TNKS2: variants seen among roughly 807,000 people sequenced by gnomAD.
TNKS2 encodes tankyrase 2.
A neutral mutation model predicts 137.6 loss-of-function variants in TNKS2; 72 were observed. The observed-to-expected ratio is 0.52, with a 90% CI of 0.43 to 0.64. TNKS2 has a LOEUF of 0.64. Ranked by LOEUF, TNKS2 falls within the 30% of genes least tolerant of loss-of-function variation. The pLI is 0.00. For missense variants in TNKS2, 1,049 were observed against 1,410.2 expected (o/e 0.74, Z 4.10); for synonymous variants, 516 against 512.1 (o/e 1.01, Z -0.10).
intron 19 of TNKS2, 43 bp downstream of exon 19, chr10:91,848,678 C>A (rs1480798712): frequency 1.3e-6 from 2 of 1,598,060 alleles, no homozygotes; most frequent in Non-Finnish European, 1.7e-6. Flanking sequence ...GGTATTGTAG[C>A]CCCGTATTTG....
Position 91,833,918 on chromosome 10 carries a change from A to G in TNKS2, c.1341A>G (p.Gln447=). ...LHRAAYCGHL[Q]TCRLLLSYGC... Reference sequence around the variant, plus strand: ...GAGCTGCATATTGTGGTCATCTACAAACCTGCCGCCTACTCCTGAGCTATG... The same window carrying G: ...GAGCTGCATATTGTGGTCATCTACAGACCTGCCGCCTACTCCTGAGCTATG... Residue 447 remains glutamine, a synonymous_variant, in exon 12 of 27, where the codon CAA becomes CAG. Coordinates refer to ENST00000371627, the MANE Select transcript of TNKS2 (RefSeq NM_025235.4). The G allele has an allele frequency of 1.2e-6, 2 of 1,613,946 alleles. No individual in the cohort carries two copies. The highest frequency in any genetic ancestry group is 1.1e-5 in the South Asian group (1 of 91,052).
chr10:91,849,661 C>A (rs755365641), intron 20 of TNKS2, 67 bp downstream of exon 20: 32 of 1,270,824 alleles, frequency 2.5e-5, no homozygotes, highest in Non-Finnish European at 3.3e-5. Context: ...TTGGAACATA[C>A]TTGAAATGAG....
chr10:91,839,761 C>T (rs1842151673), intron 13 of TNKS2, among the ~76,000 whole-genome samples: 1 of 152,150 alleles, frequency 6.6e-6, no homozygotes, highest in Non-Finnish European at 1.5e-5. Context: ...AGTTTGAGAA[C>T]CACTGCTCTA....
chr10:91,855,060 T>G lies in TNKS2; in HGVS notation c.2847T>G (p.Ser949=). The part of the protein sequence containing the change: ...GLNPYLTLNT[S]GSGTILIDLS... ...ACCCATATTTAACTTTGAACACCTC[T>G]GGTAGTGGAACAATTCTTATAGATC... The change falls in exon 22 of 27, where the codon TCT becomes TCG. Residue 949 remains serine, a synonymous_variant. Coordinates refer to ENST00000371627, the MANE Select transcript of TNKS2 (RefSeq NM_025235.4). 1.6e-5 allele frequency: 26 copies of G among 1,611,448 alleles called. No homozygotes were observed. The highest frequency in any genetic ancestry group is 2.2e-5 in the Non-Finnish European group (26 of 1,177,930).
At chr10:91,857,113 T>C (rs1842728854) in intron 23 of TNKS2, among the ~76,000 whole-genome samples, 2 of 152,202 alleles carry the variant, frequency 1.3e-5, no homozygotes, top group Non-Finnish European at 2.9e-5. Context: ...AAACTCGGCA[T>C]GTCTGATTTG....
At chr10:91,832,874 C>T (rs1841862897) in intron 11 of TNKS2, among the ~76,000 whole-genome samples, 1 of 152,054 alleles carries the variant, frequency 6.6e-6, no homozygotes, top group African/African-American at 2.4e-5. Context: ...TACCTGCCTA[C>T]CACTTAGATA....
At chr10:91,826,369 A>G (rs1056813772) in intron 7 of TNKS2, among the ~76,000 whole-genome samples, 3 of 152,230 alleles carry the variant, frequency 2.0e-5, no homozygotes, top group African/African-American at 7.2e-5. Context: ...CCAAATCTGC[A>G]TTAACAGGAT....
Position 91,859,444 on chromosome 10 carries a change from CA to C in TNKS2, c.3095-17del. On this transcript the variant is annotated splice_polypyrimidine_tract_variant and intron_variant, in intron 24 of 26. Coordinates refer to ENST00000371627, the MANE Select transcript of TNKS2 (RefSeq NM_025235.4). ...AGATAAATTTTAAATTATTGTTACCCATCTATATGTGTTTCAGGGTCTCCTT... is the reference window on the plus strand; with the variant it reads ...AGATAAATTTTAAATTATTGTTACCCTCTATATGTGTTTCAGGGTCTCCTT... The C allele has an allele frequency of 6.9e-7, 1 of 1,455,798 alleles. No homozygotes were observed. The highest frequency in any genetic ancestry group is 9.1e-7 in the Non-Finnish European group (1 of 1,099,762). The allele number at this position is 1,455,798 out of a possible 1,614,324, so 90.2% of individuals were successfully genotyped here.
chr10:91,842,969 G>A (rs1175041465), intron 16 of TNKS2, among the ~76,000 whole-genome samples: 1 of 152,030 alleles, frequency 6.6e-6, no homozygotes, highest in Non-Finnish European at 1.5e-5. Flanking sequence ...ATTATTCCAG[G>A]TAATCATTTT....
chr10:91,801,157 G>T lies in TNKS2; in HGVS notation c.199+2268G>T, dbSNP rs187635833. On this transcript the variant is annotated intron_variant, in intron 1 of 26. Coordinates refer to ENST00000371627, the MANE Select transcript of TNKS2 (RefSeq NM_025235.4). Reference sequence around the variant, plus strand: ...GTAATATTAGGACTGAGAGATTCGTGCAGACCACAGAAAATGAAAATTAGT... The same window carrying T: ...GTAATATTAGGACTGAGAGATTCGTTCAGACCACAGAAAATGAAAATTAGT... Among the ~76,000 whole-genome samples the T allele has an allele frequency of 3.9e-5, 6 of 152,272 alleles. No individual in the cohort carries two copies. In the East Asian group the frequency reaches 1.2e-3, roughly 29 times the overall value.
rs775919325 is a variant in TNKS2, at chr10:91,833,977, T to G, written c.1400T>G (p.Phe467Cys). 6.2e-7 allele frequency: 1 copy of G among 1,611,366 alleles called. No homozygotes were observed. Among genetic ancestry groups the G allele is most frequent in the Non-Finnish European group, 8.5e-7 (1 of 1,179,090 alleles). The part of the protein sequence containing the change: ...CDPNIISLQG[F>C]TALQMGNENV... Reference sequence around the variant, plus strand: ...CCTAACATTATATCCCTTCAGGGCTTTACTGCTTTACAGATGGGAAATGAA... The same window carrying G: ...CCTAACATTATATCCCTTCAGGGCTGTACTGCTTTACAGATGGGAAATGAA... The change falls in exon 12 of 27, where the codon TTT becomes TGT. Residue 467 changes from phenylalanine (F) to cysteine (C), a missense_variant. Physicochemically the swap from Phe to Cys is radical, Grantham distance 205. Around this residue, in one of 6 missense-constraint regions of TNKS2, gnomAD observed 328 missense variants for 436.0 expected, o/e 0.75. Transcript: ENST00000371627.
At chr10:91,841,542 C>T in intron 15 of TNKS2, 94 bp downstream of exon 15, 1 of 846,894 alleles carries the variant, frequency 1.2e-6, no homozygotes, top group Non-Finnish European at 1.7e-6. Flanking sequence ...AACTAGTAAG[C>T]AATGGGAAGC....
intron 7 of TNKS2, among the ~76,000 whole-genome samples, chr10:91,825,771 T>G (rs1235095690): frequency 6.6e-6 from 1 of 152,204 alleles, no homozygotes; most frequent in African/African-American, 2.4e-5. Flanking sequence ...TACTTGGAAA[T>G]GGCTAAAATT....
intron 13 of TNKS2, among the ~76,000 whole-genome samples, chr10:91,840,043 A>T (rs2133651789): frequency 6.6e-6 from 1 of 152,322 alleles, no homozygotes; most frequent in Middle Eastern, 3.4e-3. Context: ...AAAGTAGAAT[A>T]TAAAGGCATA....
chr10:91,836,733 A>G, intron 12 of TNKS2, 186 bp from the exon 13 acceptor site: 5 of 985,402 alleles, frequency 5.1e-6, no homozygotes, highest in African/African-American at 1.7e-5. Context: ...GTTGTATTTC[A>G]AAGAGTTTTA....
intron 18 of TNKS2, among the ~76,000 whole-genome samples, chr10:91,846,418 A>G (rs1327772040): frequency 1.3e-5 from 2 of 152,012 alleles, no homozygotes; most frequent in African/African-American, 2.4e-5. Flanking sequence ...CCCTACCTTA[A>G]CTGTTCATGA....
chr10:91,831,275 A>G (rs1013033755), intron 11 of TNKS2, 94 bp downstream of exon 11: 15 of 1,131,066 alleles, frequency 1.3e-5, no homozygotes, highest in East Asian at 2.4e-5. Context: ...TTACTTTCTC[A>G]TAAGTATTAC....
intron 2 of TNKS2, among the ~76,000 whole-genome samples, 164 bp downstream of exon 2, chr10:91,813,371 T>C (rs536676932): frequency 2.6e-5 from 4 of 152,364 alleles, no homozygotes; most frequent in Admixed American, 2.6e-4. Context: ...TTTTTGTGTG[T>C]AGTACTGAGC....
intron 1 of TNKS2, among the ~76,000 whole-genome samples, chr10:91,804,272 C>A (rs779429513): frequency 2.6e-5 from 4 of 152,190 alleles, no homozygotes; most frequent in Admixed American, 6.5e-5. Context: ...CTGACCTTGT[C>A]CCTGAGTAAA....
Sources: gnomAD v4.1 joint callset for allele counts (sites outside exome capture counted in the v4.1 genomes callset) on GRCh38, gnomAD v4.1.1 for gene constraint, gnomAD v4.1.1 regional missense constraint, MANE v1.5 for transcripts, NCBI Gene and HGNC (gene_info 2026-07-23, HGNC 2026-07-21) for gene names.